The following CNTN4 variants were observed in gnomAD, a reference collection of about 807,000 sequenced individuals.
The protein encoded by CNTN4 is contactin-4.
CNTN4 carries 77 observed loss-of-function variants against 122.5 expected under a neutral mutation model. That is an observed-to-expected ratio of 0.63 (90% confidence interval 0.52 to 0.76). The LOEUF is 0.76. CNTN4 is among the 30% of genes least tolerant of loss of function. The pLI is 0.00. For synonymous variants in CNTN4, 512 were observed against 447.0 expected, an observed-to-expected ratio of 1.15 and a Z score of -1.83; for missense variants, 1,256 against 1,259.1, an observed-to-expected ratio of 1.00 and a Z score of 0.04.
At chr3:2,752,122 G>A (rs917612860) in intron 6 of CNTN4, among the ~76,000 whole-genome samples, 1 of 151,896 alleles carries the variant, frequency 6.6e-6, no homozygotes, top group African/African-American at 2.4e-5. Context: ...TCCCCTTTCT[G>A]TCCCTCCATG....
chr3:2,182,266 T>TAC lies in CNTN4; in HGVS notation c.-145+81639_-145+81640dup, dbSNP rs796742334. ...GGGTTTCTCTATTTCTCTGTCTTTT[T>TAC]ACACACACACACATACACACACCCC... is the stretch of plus-strand genomic sequence containing the variant. On this transcript the variant is annotated intron_variant, in intron 2 of 24. Coordinates refer to ENST00000418658, the MANE Select transcript of CNTN4 (RefSeq NM_175607.3). 7.3e-5 allele frequency among the ~76,000 whole-genome samples: 11 copies of TAC among 151,652 alleles called. No individual in the cohort carries two copies. In the East Asian group the frequency reaches 1.4e-3, roughly 19 times the overall value.
intron 2 of CNTN4, among the ~76,000 whole-genome samples, chr3:2,245,307 G>A (rs375639465): frequency 6.6e-6 from 1 of 152,198 alleles, no homozygotes; most frequent in Non-Finnish European, 1.5e-5. Flanking sequence ...AAAATAGACA[G>A]ATTGGTGCAA....
Position 2,599,786 on chromosome 3 carries a change from C to A in CNTN4, c.55+28228C>A, listed in dbSNP as rs375703982. ...ATTAGAGAGTGTATTTTTGTCAATT[C>A]TCTAGCAGAGATCAAGTTCCTGAGG... On this transcript the variant is annotated intron_variant, in intron 4 of 24. Coordinates refer to ENST00000418658, the MANE Select transcript of CNTN4 (RefSeq NM_175607.3). 3.9e-5 allele frequency among the ~76,000 whole-genome samples: 6 copies of A among 152,074 alleles called. No homozygotes were observed. In the South Asian group the frequency reaches 6.2e-4, roughly 16 times the overall value.
intron 7 of CNTN4, among the ~76,000 whole-genome samples, chr3:2,864,763 G>A (rs1367952329): frequency 3.4e-5 from 2 of 59,282 alleles, no homozygotes; most frequent in African/African-American, 6.9e-5. Flanking sequence ...AAAGTTTCCG[G>A]TATTTGATTC....
At chr3:2,620,779 A>G (rs1007148427) in intron 4 of CNTN4, among the ~76,000 whole-genome samples, 1 of 152,134 alleles carries the variant, frequency 6.6e-6, no homozygotes, top group African/African-American at 2.4e-5. Flanking sequence ...GACTCTATAC[A>G]GCCCCCCTCC....
intron 2 of CNTN4, among the ~76,000 whole-genome samples, chr3:2,321,033 C>A (rs1181134107): frequency 3.3e-5 from 5 of 152,104 alleles, no homozygotes; most frequent in African/African-American, 1.2e-4. Flanking sequence ...TAGATTATTT[C>A]AGATAGACCC....
chr3:2,491,439 C>T (rs1165178828), intron 3 of CNTN4, among the ~76,000 whole-genome samples: 1 of 152,114 alleles, frequency 6.6e-6, no homozygotes, highest in Non-Finnish European at 1.5e-5. Context: ...AAAATGTCAA[C>T]TGCTATTGAA....
chr3:2,338,579 T>G (rs2044052622), intron 2 of CNTN4, among the ~76,000 whole-genome samples: 1 of 151,956 alleles, frequency 6.6e-6, no homozygotes, highest in African/African-American at 2.4e-5. Context: ...ATACCTTTAT[T>G]CTACGTAAAA....
At position 2,770,996 on chromosome 3, in the gene CNTN4, C is replaced by T. The variant is rs867791103; in HGVS notation, c.358+25299C>T. Among the ~76,000 whole-genome samples, 3 of 152,102 alleles carry T rather than the reference C, an allele frequency of 2.0e-5. No individual in the cohort carries two copies. The South Asian group carries it at 6.2e-4, about 32-fold the overall frequency. On this transcript the variant is annotated intron_variant, in intron 6 of 24. Transcript: ENST00000418658. ...ATATGTGCTTGAAAAATACTGTTTC[C>T]CCTTCACTGGTAGTGTCTAGCATCC...
At chr3:3,037,448 T>C (rs1205770017) in intron 18 of CNTN4, 120 bp downstream of exon 18, 2 of 1,338,838 alleles carry the variant, frequency 1.5e-6, no homozygotes, top group Non-Finnish European at 1.1e-6. Context: ...ACCCTTCCCT[T>C]TAAATGTTTA....
chr3:2,412,580 T>C (rs2047265211), intron 3 of CNTN4, among the ~76,000 whole-genome samples: 1 of 152,124 alleles, frequency 6.6e-6, no homozygotes, highest in South Asian at 2.1e-4. Context: ...GTCAGATGGG[T>C]GTACCCACGT....
At chr3:2,171,595 G>A (rs527254319) in intron 2 of CNTN4, among the ~76,000 whole-genome samples, 8 of 152,114 alleles carry the variant, frequency 5.3e-5, no homozygotes, top group Non-Finnish European at 8.8e-5. Context: ...GGACATTATC[G>A]TCTATATTCT....
At chr3:2,106,588 T>A (rs1254169695) in intron 2 of CNTN4, among the ~76,000 whole-genome samples, 2 of 152,208 alleles carry the variant, frequency 1.3e-5, no homozygotes, top group East Asian at 1.9e-4. Context: ...GGGCACCAAG[T>A]CCCTAGGCTG....
At chr3:2,530,875 G>A (rs980917683) in intron 3 of CNTN4, among the ~76,000 whole-genome samples, 2 of 152,106 alleles carry the variant, frequency 1.3e-5, no homozygotes, top group African/African-American at 2.4e-5. Flanking sequence ...TTAAATTTCA[G>A]GAAAAAGAGG....
chr3:2,340,710 T>TAGAGAGAGAGAG (rs747326741), intron 3 of CNTN4, among the ~76,000 whole-genome samples: 198 of 18,272 alleles, frequency 0.011, 11 homozygotes, highest in Non-Finnish European at 0.024. Context: ...TATATATATA[T>TAGAGAGAGAGAG]AGAGAGAGAG....
chr3:2,258,945 A>G (rs940368666), intron 2 of CNTN4, among the ~76,000 whole-genome samples: 1 of 152,176 alleles, frequency 6.6e-6, no homozygotes. Flanking sequence ...CTCTTACATT[A>G]TTCTTTTTCA....
chr3:2,414,045 C>A (rs2151056444), intron 3 of CNTN4, among the ~76,000 whole-genome samples: 1 of 152,138 alleles, frequency 6.6e-6, no homozygotes, highest in South Asian at 2.1e-4. Context: ...CCTCCATCAC[C>A]CCATAGACAG....
At chr3:2,388,915 T>G (rs1378946376) in intron 3 of CNTN4, among the ~76,000 whole-genome samples, 1 of 146,102 alleles carries the variant, frequency 6.8e-6, no homozygotes, top group Non-Finnish European at 1.6e-5. Context: ...CCCAGCACTT[T>G]GGGAGGCCGG....
intron 2 of CNTN4, among the ~76,000 whole-genome samples, chr3:2,176,717 T>G (rs950546908): frequency 3.3e-5 from 5 of 152,274 alleles, no homozygotes; most frequent in African/African-American, 9.6e-5. Flanking sequence ...TGCTTTCTAA[T>G]TTCAGCGGTT....
Sources: gnomAD v4.1 joint callset for allele counts (sites outside exome capture counted in the v4.1 genomes callset) on GRCh38, gnomAD v4.1.1 for gene constraint, MANE v1.5 for transcripts, NCBI Gene and HGNC (gene_info 2026-07-23, HGNC 2026-07-21) for gene names.